SNX29: variants seen among roughly 807,000 people sequenced by gnomAD.
SNX29 encodes the protein sorting nexin-29.
A neutral mutation model predicts 102.1 loss-of-function variants in SNX29; 78 were observed. The observed-to-expected ratio is 0.76, with a 90% CI of 0.64 to 0.92. The LOEUF is 0.92. SNX29 is among the 40% of genes least tolerant of loss of function. SNX29 has a pLI of 0.00. For synonymous variants in SNX29, 580 were observed against 414.5 expected (o/e 1.40, Z -4.85); for missense variants, 1,280 against 1,061.7 (o/e 1.21, Z -2.86).
At chr16:12,125,612 T>C (rs1174982719) in intron 11 of SNX29, among the ~76,000 whole-genome samples, 1 of 33,530 alleles carries the variant, frequency 3.0e-5, no homozygotes, top group East Asian at 2.2e-3. Context: ...TCTCTTTTTT[T>C]TTTTTTTTTT....
At chr16:12,316,630 C>A (rs771473434) in intron 15 of SNX29, among the ~76,000 whole-genome samples, 11 of 152,142 alleles carry the variant, frequency 7.2e-5, no homozygotes, top group Admixed American at 2.6e-4. Context: ...TCCTTCTGTG[C>A]CCCCCAAGGT....
At chr16:12,257,009 C>T (rs551007760) in intron 14 of SNX29, among the ~76,000 whole-genome samples, 14 of 152,244 alleles carry the variant, frequency 9.2e-5, no homozygotes, top group African/African-American at 2.6e-4. Context: ...GGTCAGAAGC[C>T]GTGGATTTCA....
At chr16:12,370,396 C>T (rs937493747) in intron 16 of SNX29, among the ~76,000 whole-genome samples, 5 of 152,072 alleles carry the variant, frequency 3.3e-5, no homozygotes, top group Non-Finnish European at 7.4e-5. Flanking sequence ...CCCATCTCTA[C>T]TAAAAATACA....
At chr16:12,041,588 G>A (rs1219199107) in intron 4 of SNX29, among the ~76,000 whole-genome samples, 1 of 152,196 alleles carries the variant, frequency 6.6e-6, no homozygotes, top group Non-Finnish European at 1.5e-5. Context: ...GGCTGAATCC[G>A]TTTCTGGCCC....
intron 19 of SNX29, among the ~76,000 whole-genome samples, chr16:12,503,658 G>A (rs2089233280): frequency 6.6e-6 from 1 of 152,076 alleles, no homozygotes; most frequent in South Asian, 2.1e-4. Flanking sequence ...CAGCAGAACG[G>A]GGTCTCCTCT....
intron 19 of SNX29, among the ~76,000 whole-genome samples, chr16:12,511,516 G>A (rs1346497806): frequency 6.6e-6 from 1 of 152,306 alleles, no homozygotes; most frequent in East Asian, 1.9e-4. Flanking sequence ...TGTGAGGAGA[G>A]TGTAACTGGG....
At chr16:12,246,718 A>T (rs2078270246) in intron 14 of SNX29, among the ~76,000 whole-genome samples, 1 of 152,172 alleles carries the variant, frequency 6.6e-6, no homozygotes, top group Non-Finnish European at 1.5e-5. Context: ...TTTATATGTG[A>T]CCAGCACAGA....
At position 12,025,135 on chromosome 16, in the gene SNX29, C is replaced by G. The variant is rs1025717107; in HGVS notation, c.123-2185C>G. Reference sequence around the variant, plus strand: ...TGGCCGACATGGTGAAACCCCATCTCTACTAAAAATACAAACATTAGCCAG... The same window carrying G: ...TGGCCGACATGGTGAAACCCCATCTGTACTAAAAATACAAACATTAGCCAG... On this transcript the variant is annotated intron_variant, in intron 3 of 20. Coordinates refer to ENST00000566228, the MANE Select transcript of SNX29 (RefSeq NM_032167.5). 2.0e-5 allele frequency among the ~76,000 whole-genome samples: 3 copies of G among 151,976 alleles called. No individual in the cohort carries two copies. The East Asian group carries it at 5.8e-4, about 29-fold the overall frequency.
intron 15 of SNX29, among the ~76,000 whole-genome samples, chr16:12,309,114 G>C (rs938736039): frequency 1.3e-5 from 2 of 152,150 alleles, no homozygotes; most frequent in Non-Finnish European, 2.9e-5. Flanking sequence ...GAGTTATTTG[G>C]GGGTTCTGCA....
chr16:12,527,478 G>A (rs1309544650), intron 20 of SNX29: 1 of 429,166 alleles, frequency 2.3e-6, no homozygotes, highest in Non-Finnish European at 4.4e-6. Flanking sequence ...GATCCAAAAA[G>A]TCCATTTGAG....
At chr16:12,317,956 C>T (rs759650469) in intron 15 of SNX29, among the ~76,000 whole-genome samples, 3 of 152,220 alleles carry the variant, frequency 2.0e-5, no homozygotes, top group African/African-American at 4.8e-5. Context: ...GGGGGAAACA[C>T]GCTTAGTTTG....
chr16:12,430,578 C>T (rs886795514), intron 18 of SNX29, among the ~76,000 whole-genome samples: 1 of 152,162 alleles, frequency 6.6e-6, no homozygotes, highest in Non-Finnish European at 1.5e-5. Flanking sequence ...TGCATCAAAG[C>T]TTATAAAGTA....
At chr16:12,567,690 A>G (rs1164737614) in intron 20 of SNX29, among the ~76,000 whole-genome samples, 2 of 152,180 alleles carry the variant, frequency 1.3e-5, no homozygotes, top group Admixed American at 6.5e-5. Flanking sequence ...TGAGCCCAGG[A>G]GATCGAGGCT....
At chr16:12,005,036 G>C (rs1368490679) in intron 3 of SNX29, among the ~76,000 whole-genome samples, 1 of 152,192 alleles carries the variant, frequency 6.6e-6, no homozygotes, top group African/African-American at 2.4e-5. Flanking sequence ...ACATTGTACT[G>C]TAGTCAAGCA....
At position 12,539,013 on chromosome 16, in the gene SNX29, A is replaced by C. The variant is rs77372030; in HGVS notation, c.2318+14172A>C. On this transcript the variant is annotated intron_variant, in intron 20 of 20. Transcript: ENST00000566228. ...GAACAGACCAGTAATTCGAGCCAAAACCATCCATGAATCCAGAATGGGGCC... is the reference window on the plus strand; with the variant it reads ...GAACAGACCAGTAATTCGAGCCAAACCCATCCATGAATCCAGAATGGGGCC... 3.3e-3 allele frequency among the ~76,000 whole-genome samples: 505 copies of C among 152,322 alleles called. 1 individual carries two copies. The highest frequency in any genetic ancestry group is 0.011 in the African/African-American group (459 of 41,576).
At chr16:12,544,393 G>A (rs1418929009) in intron 20 of SNX29, among the ~76,000 whole-genome samples, 1 of 152,174 alleles carries the variant, frequency 6.6e-6, no homozygotes, top group Non-Finnish European at 1.5e-5. Context: ...GTTGTGAGGT[G>A]GTTCTGCTAA....
At chr16:12,420,744 G>C (rs2084840039) in intron 18 of SNX29, among the ~76,000 whole-genome samples, 1 of 152,188 alleles carries the variant, frequency 6.6e-6, no homozygotes, top group South Asian at 2.1e-4. Flanking sequence ...GTCAAGGTGA[G>C]ATGAGATGAA....
chr16:12,546,854 A>C (rs2077637738), intron 20 of SNX29, among the ~76,000 whole-genome samples: 1 of 152,262 alleles, frequency 6.6e-6, no homozygotes, highest in Non-Finnish European at 1.5e-5. Flanking sequence ...TTATACAGTC[A>C]CCAGTAAGAT....
intron 14 of SNX29, among the ~76,000 whole-genome samples, chr16:12,273,596 G>C (rs976856658): frequency 2.0e-5 from 3 of 152,086 alleles, no homozygotes; most frequent in African/African-American, 7.2e-5. Flanking sequence ...GACCTCAGGT[G>C]ATCTGCCCAC....
Sources: allele counts gnomAD v4.1 joint callset (sites outside exome capture counted in the v4.1 genomes callset), GRCh38; gene constraint gnomAD v4.1.1; transcripts MANE v1.5; gene names NCBI Gene and HGNC (gene_info 2026-07-23, HGNC 2026-07-21).